CCDC171: variants seen among roughly 807,000 people sequenced by gnomAD.
CCDC171 encodes the protein coiled-coil domain containing 171.
A neutral mutation model predicts 168.2 loss-of-function variants in CCDC171; 177 were observed. The observed-to-expected ratio is 1.05, with a 90% CI of 0.93 to 1.19. CCDC171 has a LOEUF of 1.19. Ranked by LOEUF, CCDC171 falls within the 50% of genes most tolerant of loss-of-function variation. The pLI is 0.00. For synonymous variants in CCDC171, 687 were observed against 540.8 expected (o/e 1.27, Z -3.75); for missense variants, 1,991 against 1,539.0 (o/e 1.29, Z -4.91).
intron 9 of CCDC171, among the ~76,000 whole-genome samples, chr9:15,671,989 C>G (rs2049150495): frequency 1.3e-5 from 2 of 152,232 alleles, no homozygotes. Context: ...ATTCCTATTT[C>G]TCCACATCCT....
At chr9:15,797,483 T>C (rs1309805384) in intron 21 of CCDC171, among the ~76,000 whole-genome samples, 2 of 152,198 alleles carry the variant, frequency 1.3e-5, no homozygotes, top group Non-Finnish European at 2.9e-5. Flanking sequence ...CCCAAAGTGC[T>C]GAGAATACAG....
chr9:15,628,691 C>T (rs528998912), intron 7 of CCDC171, among the ~76,000 whole-genome samples: 119 of 152,324 alleles, frequency 7.8e-4, no homozygotes, highest in Admixed American at 2.3e-3. Context: ...TCTCCCAGCA[C>T]GCAGCTGGAG....
intron 25 of CCDC171, among the ~76,000 whole-genome samples, chr9:15,923,772 G>T (rs3008683): frequency 0.82 from 124,086 of 151,264 alleles, 51,120 homozygotes; most frequent in East Asian, 0.96. Context: ...ATTTCATCTT[G>T]CAATTAAAAA....
At chr9:15,879,162 A>T (rs993486455) in intron 24 of CCDC171, among the ~76,000 whole-genome samples, 3 of 152,152 alleles carry the variant, frequency 2.0e-5, no homozygotes, top group African/African-American at 7.2e-5. Context: ...TTCAGACACA[A>T]CCAATGTTAA....
chr9:16,047,142 G>T (rs1274457407), intron 1 of CCDC171, among the ~76,000 whole-genome samples: 4 of 152,204 alleles, frequency 2.6e-5, no homozygotes. Context: ...TTTCAAGTCT[G>T]ATCTCCAGCT....
chr9:15,962,612 A>T (rs998656585), intron 25 of CCDC171, among the ~76,000 whole-genome samples: 1 of 152,114 alleles, frequency 6.6e-6, no homozygotes, highest in African/African-American at 2.4e-5. Context: ...TGTGGGGGTT[A>T]CCATTTTTTT....
chr9:15,637,983 C>G (rs1324257456), intron 7 of CCDC171, among the ~76,000 whole-genome samples: 2 of 152,048 alleles, frequency 1.3e-5, no homozygotes, highest in Non-Finnish European at 2.9e-5. Context: ...GGGTATATAC[C>G]CAGTAATGGG....
the CCDC171 span, among the ~76,000 whole-genome samples, chr9:16,081,072 G>C: frequency 3.3e-5 from 5 of 152,150 alleles, no homozygotes; most frequent in African/African-American, 1.2e-4. Context: ...ACTCCTTCCT[G>C]CGAGTAGCGG....
intron 3 of CCDC171, among the ~76,000 whole-genome samples, chr9:16,003,182 C>A (rs564034910): frequency 6.6e-6 from 1 of 152,310 alleles, no homozygotes; most frequent in African/African-American, 2.4e-5. Flanking sequence ...GAGTTCTAGT[C>A]CTGTCTCTGT....
intron 25 of CCDC171, among the ~76,000 whole-genome samples, chr9:15,960,874 G>A (rs541761343): frequency 2.6e-5 from 4 of 152,258 alleles, no homozygotes; most frequent in East Asian, 3.9e-4. Context: ...GCCCTGGGGA[G>A]TATAGAGCTT....
intron 18 of CCDC171, among the ~76,000 whole-genome samples, chr9:15,757,504 A>G (rs780581248): frequency 6.6e-6 from 1 of 152,224 alleles, no homozygotes; most frequent in African/African-American, 2.4e-5. Flanking sequence ...GAAGCAGAGC[A>G]TAAAAGTTCA....
rs182918181 is a variant in CCDC171 at position 15,688,358 on chromosome 9, C to A, written c.1216-6877C>A. Among the ~76,000 whole-genome samples the A allele has an allele frequency of 7.9e-5, 12 of 152,176 alleles. No individual in the cohort carries two copies. In the East Asian group the frequency reaches 2.1e-3, roughly 27 times the overall value. On this transcript the variant is annotated intron_variant, in intron 10 of 25. Transcript: ENST00000380701. ...AAATAGAAGAGGAGATAACACTTCC[C>A]ATATCATTCTGTGAAATCAGTATTA...
the CCDC171 span, among the ~76,000 whole-genome samples, chr9:16,089,136 G>C: frequency 6.6e-6 from 1 of 152,096 alleles, no homozygotes; most frequent in Non-Finnish European, 1.5e-5. Flanking sequence ...AATAAATGGT[G>C]TTGGGAAAAC....
chr9:15,712,516 C>A (rs1424302989), intron 11 of CCDC171, among the ~76,000 whole-genome samples: 1 of 152,156 alleles, frequency 6.6e-6, no homozygotes, highest in Non-Finnish European at 1.5e-5. Flanking sequence ...TGATCAGAAG[C>A]AATGCCATTT....
chr9:15,618,875 C>G (rs2044295632), intron 6 of CCDC171, among the ~76,000 whole-genome samples: 1 of 151,686 alleles, frequency 6.6e-6, no homozygotes, highest in Non-Finnish European at 1.5e-5. Flanking sequence ...AACTGTGTAC[C>G]TCAGTTGGAA....
rs545078347 is a variant in CCDC171 at position 15,682,337 on chromosome 9, C to G, written c.1215+3441C>G. On this transcript the variant is annotated intron_variant, in intron 10 of 25. Coordinates refer to ENST00000380701, the MANE Select transcript of CCDC171 (RefSeq NM_173550.4). The stretch of plus-strand genomic sequence containing the variant: ...ATAAACCAGTTGGAAAGTGATAGCT[C>G]CCCTGTTTTGAGAGAGATATTATAT... 1.4e-3 allele frequency among the ~76,000 whole-genome samples: 206 copies of G among 151,992 alleles called. 1 individual carries two copies. The highest frequency in any genetic ancestry group is 4.8e-3 in the African/African-American group (201 of 41,502).
At chr9:15,978,530 G>C (rs1831691174), downstream of CCDC171, among the ~76,000 whole-genome samples, 2 of 152,112 alleles carry the variant, frequency 1.3e-5, no homozygotes, top group East Asian at 1.9e-4. Context: ...TTCTTCCTAA[G>C]AGACAATTTT....
chr9:15,570,673 C>T (rs1227259765), intron 2 of CCDC171, among the ~76,000 whole-genome samples: 1 of 152,134 alleles, frequency 6.6e-6, no homozygotes, highest in African/African-American at 2.4e-5. Context: ...TATTTTTCAC[C>T]TGGTTGCTTA....
At chr9:15,715,372 G>A (rs2053004312) in intron 11 of CCDC171, among the ~76,000 whole-genome samples, 1 of 152,150 alleles carries the variant, frequency 6.6e-6, no homozygotes, top group Admixed American at 6.5e-5. Flanking sequence ...ACAATATACA[G>A]TGTTGTGGTC....
Sources: allele counts gnomAD v4.1 joint callset (sites outside exome capture counted in the v4.1 genomes callset), GRCh38; gene constraint gnomAD v4.1.1; transcripts MANE v1.5; gene names NCBI Gene and HGNC (gene_info 2026-07-23, HGNC 2026-07-21).